The following COL24A1 variants were observed in gnomAD, a reference collection of about 807,000 sequenced individuals.
COL24A1 encodes collagen type XXIV alpha 1 chain.
COL24A1 carries 224 observed loss-of-function variants against 253.9 expected under a neutral mutation model. The observed-to-expected ratio is 0.88, with a 90% CI of 0.79 to 0.99. The LOEUF (loss-of-function observed/expected upper bound fraction) is 0.99, where lower values mean the gene tolerates loss of function less well. Among genes scored for constraint, COL24A1 ranks in the 50% least tolerant of loss-of-function variants. The pLI is 0.00. For synonymous variants in COL24A1, 685 were observed against 673.7 expected, an observed-to-expected ratio of 1.02 and a Z score of -0.26; for missense variants, 2,131 against 2,068.5, an observed-to-expected ratio of 1.03 and a Z score of -0.59.
intron 24 of COL24A1, among the ~76,000 whole-genome samples, chr1:85,948,449 G>A (rs1370115959): frequency 1.4e-5 from 2 of 148,038 alleles, no homozygotes; most frequent in Admixed American, 6.8e-5. Context: ...GCGTGAACCC[G>A]GGAGGCGGAG....
chr1:85,774,864 A>G (rs1435733733), intron 53 of COL24A1, among the ~76,000 whole-genome samples: 1 of 151,874 alleles, frequency 6.6e-6, no homozygotes, highest in Non-Finnish European at 1.5e-5. Context: ...TTTGGTGTCT[A>G]TCTCTTTCAG....
intron 2 of COL24A1, among the ~76,000 whole-genome samples, chr1:86,145,735 G>T (rs989655241): frequency 2.0e-5 from 3 of 151,906 alleles, no homozygotes; most frequent in African/African-American, 7.2e-5. Flanking sequence ...TCTTAATGAT[G>T]CAAATCTGGA....
At chr1:85,914,411 G>A (rs1379071921) in intron 24 of COL24A1, among the ~76,000 whole-genome samples, 2 of 139,320 alleles carry the variant, frequency 1.4e-5, no homozygotes, top group Non-Finnish European at 3.0e-5. Context: ...TTTTTCTTGA[G>A]ATGGAGTCTC....
chr1:85,828,516 A>C (rs1463497324), intron 43 of COL24A1, among the ~76,000 whole-genome samples: 1 of 150,512 alleles, frequency 6.6e-6, no homozygotes, highest in South Asian at 2.1e-4. Context: ...TAATGTTGAC[A>C]GTGGGGTGTT....
chr1:86,139,162 A>G (rs1182337170), intron 2 of COL24A1, among the ~76,000 whole-genome samples: 3 of 94,330 alleles, frequency 3.2e-5, no homozygotes, highest in Non-Finnish European at 6.8e-5. Context: ...TAAAAGAAAG[A>G]TGAGGGAGAA....
At chr1:85,853,657 C>G (rs1678075238) in intron 37 of COL24A1, among the ~76,000 whole-genome samples, 1 of 152,162 alleles carries the variant, frequency 6.6e-6, no homozygotes, top group Non-Finnish European at 1.5e-5. Context: ...TTAATAAAAG[C>G]CATTCTGACT....
chr1:86,142,541 C>CAAAAAAAAAA (rs373720712), intron 2 of COL24A1, among the ~76,000 whole-genome samples: 2 of 144,010 alleles, frequency 1.4e-5, no homozygotes, highest in Non-Finnish European at 3.0e-5. Context: ...AAACAAAAAA[C>CAAAAAAAAAA]AAAAAACAAA....
At chr1:85,972,942 A>C (rs907336778) in intron 20 of COL24A1, among the ~76,000 whole-genome samples, 1 of 152,212 alleles carries the variant, frequency 6.6e-6, no homozygotes, top group Admixed American at 6.5e-5. Context: ...AATTGTTTAG[A>C]GTCCTGAATT....
rs1012938393 is a variant in COL24A1, at chr1:86,018,372, T to G, written c.2257-1168A>C. Among the ~76,000 whole-genome samples, 5 of 152,288 alleles carry G rather than the reference T, an allele frequency of 3.3e-5. No individual in the cohort carries two copies. In the East Asian group the frequency reaches 9.7e-4, roughly 29 times the overall value. On this transcript the variant is annotated intron_variant, in intron 18 of 59. Coordinates refer to ENST00000370571, the MANE Select transcript of COL24A1 (RefSeq NM_152890.7). ...ATGGAAAGGCTCATTTAAGTTTCCC[T>G]TTCCAAATAAACAAAAACAAAATCT...
At chr1:86,097,117 A>T (rs1703947289) in intron 5 of COL24A1, among the ~76,000 whole-genome samples, 1 of 151,730 alleles carries the variant, frequency 6.6e-6, no homozygotes, top group African/African-American at 2.4e-5. Flanking sequence ...TTTCCATTAC[A>T]GTAAACATAC....
At chr1:85,950,188 T>TG in intron 24 of COL24A1, among the ~76,000 whole-genome samples, 1 of 148,034 alleles carries the variant, frequency 6.8e-6, no homozygotes, top group Non-Finnish European at 1.5e-5. Flanking sequence ...CACGAACACA[T>TG]AAAAAGCAAG....
chr1:85,866,992 T>C (rs1293921415), intron 37 of COL24A1, among the ~76,000 whole-genome samples: 2 of 152,206 alleles, frequency 1.3e-5, no homozygotes, highest in Admixed American at 1.3e-4. Context: ...AAATGTTACT[T>C]TGAAATATGC....
intron 23 of COL24A1, among the ~76,000 whole-genome samples, chr1:85,964,776 A>G (rs1691397630): frequency 6.6e-6 from 1 of 152,110 alleles, no homozygotes; most frequent in East Asian, 1.9e-4. Flanking sequence ...CTCCAAAAAA[A>G]TTGGAACTCT....
At position 85,938,286 on chromosome 1, in the gene COL24A1, A is replaced by T. The variant is rs550310226; in HGVS notation, c.2562+22963T>A. On this transcript the variant is annotated intron_variant, in intron 24 of 59. Coordinates refer to ENST00000370571, the MANE Select transcript of COL24A1 (RefSeq NM_152890.7). ...GGACTCTGTGCTTTCCATTCCCACA[A>T]AATGTGAGCTCTGCAGACATGGAGG... 3.4e-5 allele frequency among the ~76,000 whole-genome samples: 5 copies of T among 146,956 alleles called. 1 individual carries two copies. In the South Asian group the frequency reaches 1.2e-3, roughly 36 times the overall value.
intron 59 of COL24A1, among the ~76,000 whole-genome samples, chr1:85,734,154 C>T (rs1301051658): frequency 4.6e-5 from 7 of 152,018 alleles, no homozygotes; most frequent in East Asian, 1.9e-4. Flanking sequence ...CTGACTGCCT[C>T]GGCCTCCCAA....
intron 24 of COL24A1, among the ~76,000 whole-genome samples, chr1:85,927,379 T>G (rs1687416770): frequency 6.7e-6 from 1 of 150,144 alleles, no homozygotes; most frequent in Non-Finnish European, 1.5e-5. Flanking sequence ...CAGACCGGCT[T>G]AAGAAACGGC....
chr1:85,980,865 C>T (rs1853735), intron 20 of COL24A1, among the ~76,000 whole-genome samples: 18,506 of 151,974 alleles, frequency 0.12, 1,263 homozygotes, highest in South Asian at 0.23. Flanking sequence ...GCCAAGATCA[C>T]GCCACTGCAC....
At position 85,781,200 on chromosome 1, in the gene COL24A1, T is replaced by A. The variant is rs1354707431; in HGVS notation, c.4338+20A>T. 3 of 1,549,022 alleles carry A rather than the reference T, an allele frequency of 1.9e-6. No homozygotes were observed. The highest frequency in any genetic ancestry group is 1.4e-5 in the African/African-American group (1 of 72,636). ...AAAGAAAAAAAAGAGTACAAAAGACTTGTATTATGATAAACTTACAGTTCT... is the reference window on the plus strand; with the variant it reads ...AAAGAAAAAAAAGAGTACAAAAGACATGTATTATGATAAACTTACAGTTCT... On this transcript the variant is annotated intron_variant, in intron 52 of 59. Transcript: ENST00000370571.
chr1:85,905,621 C>T (rs560902334), intron 28 of COL24A1, among the ~76,000 whole-genome samples: 2 of 151,886 alleles, frequency 1.3e-5, no homozygotes, highest in Non-Finnish European at 2.9e-5. Flanking sequence ...GGAGCCATTT[C>T]GGGAGAGAAT....
Sources: allele counts gnomAD v4.1 joint callset (sites outside exome capture counted in the v4.1 genomes callset), GRCh38; gene constraint gnomAD v4.1.1; transcripts MANE v1.5; gene names NCBI Gene and HGNC (gene_info 2026-07-23, HGNC 2026-07-21).